ADAMTS19: variants seen among roughly 807,000 people sequenced by gnomAD.
ADAMTS19 encodes the protein ADAM metallopeptidase with thrombospondin type 1 motif 19.
ADAMTS19 carries 93 observed loss-of-function variants against 153.3 expected under a neutral mutation model. The ratio of observed to expected loss-of-function variants is 0.61; its 90% CI spans 0.51 to 0.72. The LOEUF is 0.72. Ranked by LOEUF, ADAMTS19 falls within the 30% of genes least tolerant of loss-of-function variation. The pLI, the probability that ADAMTS19 is intolerant of heterozygous loss-of-function variation, is 0.00. For missense variants in ADAMTS19, 1,482 were observed against 1,552.1 expected, an observed-to-expected ratio of 0.95 and a Z score of 0.76; for synonymous variants, 600 against 556.6, an observed-to-expected ratio of 1.08 and a Z score of -1.10.
At chr5:129,539,628 A>G (rs890938858) in intron 6 of ADAMTS19, among the ~76,000 whole-genome samples, 12 of 152,108 alleles carry the variant, frequency 7.9e-5, no homozygotes, top group Admixed American at 5.3e-4. Context: ...ATTGCATAAA[A>G]GTATCCTAAT....
chr5:129,468,694 TG>T (rs1749960586), intron 2 of ADAMTS19, among the ~76,000 whole-genome samples: 1 of 152,146 alleles, frequency 6.6e-6, no homozygotes, highest in African/African-American at 2.4e-5. Flanking sequence ...TTACATTTTT[TG>T]TTGTTATGGT....
chr5:129,555,349 A>C (rs1253425164), intron 7 of ADAMTS19, among the ~76,000 whole-genome samples: 1 of 152,122 alleles, frequency 6.6e-6, no homozygotes. Context: ...TTTGCACTGT[A>C]ATTCAAACAG....
At chr5:129,564,620 A>C (rs1395976472) in intron 7 of ADAMTS19, among the ~76,000 whole-genome samples, 1 of 152,224 alleles carries the variant, frequency 6.6e-6, no homozygotes, top group Non-Finnish European at 1.5e-5. Flanking sequence ...AGGACTTAAT[A>C]CAATTCTGTA....
intron 17 of ADAMTS19, 70 bp from the exon 18 acceptor site, chr5:129,684,050 T>A (rs2127126606): frequency 6.9e-7 from 1 of 1,457,928 alleles, no homozygotes; most frequent in Non-Finnish European, 9.3e-7. Context: ...TCAATATTGT[T>A]AATTTTATGC....
chr5:129,652,711 T>G (rs1753371062), intron 13 of ADAMTS19, among the ~76,000 whole-genome samples: 1 of 152,168 alleles, frequency 6.6e-6, no homozygotes, highest in Non-Finnish European at 1.5e-5. Context: ...TTTATCTGAA[T>G]TTTTGCTTGG....
intron 21 of ADAMTS19, among the ~76,000 whole-genome samples, chr5:129,733,886 A>G (rs1443722069): frequency 6.6e-6 from 1 of 151,800 alleles, no homozygotes; most frequent in Admixed American, 6.6e-5. Context: ...CATATTAGCA[A>G]AGTTATGGAA....
chr5:129,702,427 T>C lies in ADAMTS19; in HGVS notation c.3159+835T>C, dbSNP rs1045016104. On this transcript the variant is annotated intron_variant, in intron 20 of 22. Transcript: ENST00000274487. ...CCATCTATGTAATTTCAAAATATTA[T>C]ACAGGATGCAAAAATGATAATTAAA... is the stretch of plus-strand genomic sequence containing the variant. 1.3e-5 allele frequency among the ~76,000 whole-genome samples: 2 copies of C among 152,148 alleles called. 1 individual carries two copies. Among genetic ancestry groups the C allele is most frequent in the South Asian group, 4.1e-4 (2 of 4,836 alleles).
intron 4 of ADAMTS19, among the ~76,000 whole-genome samples, chr5:129,527,375 G>A (rs866413062): frequency 4.3e-5 from 6 of 140,324 alleles, no homozygotes; most frequent in Admixed American, 7.2e-5. Flanking sequence ...GGGGAACAGA[G>A]TTTTTTTTTT....
At chr5:129,720,703 A>G (rs767556997) in intron 21 of ADAMTS19, among the ~76,000 whole-genome samples, 13 of 152,224 alleles carry the variant, frequency 8.5e-5, no homozygotes, top group African/African-American at 3.1e-4. Context: ...CAGAAGCCAT[A>G]CAAGAGTCAG....
chr5:129,618,066 G>A (rs1363625753), intron 8 of ADAMTS19, among the ~76,000 whole-genome samples: 1 of 151,856 alleles, frequency 6.6e-6, no homozygotes, highest in Non-Finnish European at 1.5e-5. Context: ...GGCAACTGAG[G>A]CAGGTTTATT....
intron 3 of ADAMTS19, among the ~76,000 whole-genome samples, chr5:129,516,241 GTTT>G (rs1328927849): frequency 7.3e-6 from 1 of 137,198 alleles, no homozygotes; most frequent in Non-Finnish European, 1.6e-5. Flanking sequence ...TTAGCCTGTA[GTTT>G]TTTTTTTAAT....
At chr5:129,701,290 A>G (rs781713803) in intron 19 of ADAMTS19, 98 bp from the exon 20 acceptor site, 44 of 1,373,246 alleles carry the variant, frequency 3.2e-5, no homozygotes, top group Non-Finnish European at 4.1e-5. Context: ...TAAATTGCCC[A>G]GTCTTGGGTA....
At chr5:129,481,737 AAG>A (rs1333011015) in intron 2 of ADAMTS19, among the ~76,000 whole-genome samples, 2 of 152,154 alleles carry the variant, frequency 1.3e-5, no homozygotes, top group Non-Finnish European at 2.9e-5. Context: ...TAAGTATAGA[AAG>A]AGAATCCCCA....
chr5:129,709,160 C>A (rs1017701073), intron 21 of ADAMTS19, among the ~76,000 whole-genome samples: 1 of 152,026 alleles, frequency 6.6e-6, no homozygotes, highest in Non-Finnish European at 1.5e-5. Context: ...ATATACTTAT[C>A]TAGATACCTG....
intron 18 of ADAMTS19, among the ~76,000 whole-genome samples, chr5:129,691,231 A>T (rs1025715466): frequency 5.3e-5 from 8 of 152,206 alleles, no homozygotes; most frequent in African/African-American, 1.9e-4. Context: ...ATTGCAATTC[A>T]ATAGAGATGA....
chr5:129,694,868 C>A lies in ADAMTS19; in HGVS notation c.2954+13C>A. On this transcript the variant is annotated intron_variant, in intron 19 of 22. Coordinates refer to ENST00000274487, the MANE Select transcript of ADAMTS19 (RefSeq NM_133638.6). ...CATGTCAAACAAGGTAACTCTATTCCAAGGGCCCTTAAAGCATTATTTGTC... is the reference window on the plus strand; with the variant it reads ...CATGTCAAACAAGGTAACTCTATTCAAAGGGCCCTTAAAGCATTATTTGTC... 1 of 1,564,960 alleles carries A rather than the reference C, an allele frequency of 6.4e-7. No homozygotes were observed. Among genetic ancestry groups the A allele is most frequent in the Non-Finnish European group, 8.7e-7 (1 of 1,154,204 alleles).
chr5:129,461,025 A>T lies in ADAMTS19; in HGVS notation c.92-77A>T, dbSNP rs897748012. ...CAACGCGAGCGCCCTGTATCTATGG[A>T]CTGTGAGCTTGGAAATGTTTGTGCT... On this transcript the variant is annotated intron_variant, in intron 1 of 22. Coordinates refer to ENST00000274487, the MANE Select transcript of ADAMTS19 (RefSeq NM_133638.6). The surrounding 1 kb of genome is among the most constrained non-coding windows in gnomAD (Gnocchi z 4.6). 10 of 1,278,970 alleles carry T rather than the reference A, an allele frequency of 7.8e-6. No homozygotes were observed. Among genetic ancestry groups the T allele is most frequent in the Admixed American group, 3.9e-5 (1 of 25,404 alleles). The allele number at this position is 1,278,970 out of a possible 1,614,324, so 79.2% of individuals were successfully genotyped here.
intron 18 of ADAMTS19, 84 bp downstream of exon 18, chr5:129,684,357 C>G: frequency 1.3e-6 from 2 of 1,490,498 alleles, no homozygotes; most frequent in Non-Finnish European, 1.8e-6. Flanking sequence ...ATCCAAAATC[C>G]CTAATCTGCA....
At chr5:129,631,788 T>C (rs1184253823) in intron 10 of ADAMTS19, among the ~76,000 whole-genome samples, 1 of 152,080 alleles carries the variant, frequency 6.6e-6, no homozygotes, top group East Asian at 1.9e-4. Flanking sequence ...TTGATATTCA[T>C]CTGTTATAAA....
Sources: gnomAD v4.1 joint callset for allele counts (sites outside exome capture counted in the v4.1 genomes callset) on GRCh38, gnomAD v4.1.1 for gene constraint, Gnocchi (gnomAD v3.1) non-coding constraint, MANE v1.5 for transcripts, NCBI Gene and HGNC (gene_info 2026-07-23, HGNC 2026-07-21) for gene names.